Variants in POLA1 observed in about 807,000 individuals in gnomAD.
The protein encoded by POLA1 is DNA polymerase alpha catalytic subunit.
Under a neutral mutation model 124.0 loss-of-function variants are expected in POLA1, and 15 were observed. The observed-to-expected ratio is 0.12, with a 90% CI of 0.08 to 0.19. The LOEUF (loss-of-function observed/expected upper bound fraction) is 0.19, where lower values mean the gene tolerates loss of function less well. Among genes scored for constraint, POLA1 ranks in the 10% least tolerant of loss-of-function variants. The pLI is 1.00. For synonymous variants in POLA1, 408 were observed against 389.4 expected (o/e 1.05, Z -0.56); for missense variants, 886 against 1,103.4 (o/e 0.80, Z 2.79).
chrX:24,961,550 C>T (rs1195613699), intron 36 of POLA1, among the ~76,000 whole-genome samples: 2 of 110,732 alleles, frequency 1.8e-5, no homozygotes, highest in African/African-American at 6.6e-5. Flanking sequence ...TAAAAGCACA[C>T]CTGATTTATT....
chrX:24,788,603 G>T, intron 26 of POLA1: 2 of 1,192,732 alleles, frequency 1.7e-6, no homozygotes, highest in Non-Finnish European at 2.3e-6. Flanking sequence ...CTCTAATTTC[G>T]CCATATCTGT....
intron 36 of POLA1, among the ~76,000 whole-genome samples, chrX:24,954,822 G>T (rs893659222): frequency 2.7e-5 from 3 of 111,642 alleles, no homozygotes; most frequent in Non-Finnish European, 5.6e-5. Flanking sequence ...TGTAGCACAG[G>T]GGTTAAATGA....
chrX:24,947,082 C>T (rs373033050), intron 36 of POLA1, among the ~76,000 whole-genome samples: 1 of 109,603 alleles, frequency 9.1e-6, no homozygotes, highest in East Asian at 2.9e-4. Flanking sequence ...TTTGTTTAAA[C>T]CTTTAGGTTA....
chrX:24,877,472 A>G lies in POLA1; in HGVS notation c.4048-10534A>G, dbSNP rs767655743. 1.8e-3 allele frequency among the ~76,000 whole-genome samples: 203 copies of G among 111,723 alleles called. 3 individuals are homozygous for G. The highest frequency in any genetic ancestry group is 6.2e-3 in the African/African-American group (190 of 30,758). Reference sequence around the variant, plus strand: ...TCTAATAAAGTGCTCTTACTGGACAATCTCTGATCAGCTACTTAAAAAGGA... The same window carrying G: ...TCTAATAAAGTGCTCTTACTGGACAGTCTCTGATCAGCTACTTAAAAAGGA... On this transcript the variant is annotated intron_variant, in intron 34 of 36. Coordinates refer to ENST00000379068, the MANE Select transcript of POLA1 (RefSeq NM_001330360.2).
chrX:24,863,552 A>G (rs1032684048), intron 34 of POLA1, among the ~76,000 whole-genome samples: 5 of 111,846 alleles, frequency 4.5e-5, no homozygotes, highest in Non-Finnish European at 5.6e-5. Flanking sequence ...TAGCTGTGCT[A>G]TCATTAAGGG....
chrX:24,720,697 C>G (rs1331354966), intron 10 of POLA1, among the ~76,000 whole-genome samples: 1 of 112,049 alleles, frequency 8.9e-6, no homozygotes, highest in Non-Finnish European at 1.9e-5. Flanking sequence ...TTCTTTCTTT[C>G]TTATTTGAAA....
chrX:24,750,717 G>C (rs1474886794), intron 26 of POLA1, among the ~76,000 whole-genome samples: 2 of 112,273 alleles, frequency 1.8e-5, no homozygotes, highest in African/African-American at 3.2e-5. Context: ...AACTCAAGGA[G>C]ATAAAGTATA....
chrX:24,888,247 T>C, intron 35 of POLA1, 125 bp downstream of exon 35: 2 of 408,422 alleles, frequency 4.9e-6, no homozygotes, highest in South Asian at 1.1e-4. Context: ...ACTAATCTTA[T>C]TTTTAAAAAA....
At chrX:24,944,906 G>C in intron 36 of POLA1, among the ~76,000 whole-genome samples, 1 of 112,158 alleles carries the variant, frequency 8.9e-6, no homozygotes, top group East Asian at 2.8e-4. Context: ...TCTGTAAAAT[G>C]TTTGTTGTTT....
intron 32 of POLA1, among the ~76,000 whole-genome samples, chrX:24,829,357 C>T (rs2046225066): frequency 1.8e-5 from 2 of 111,571 alleles, no homozygotes; most frequent in African/African-American, 3.3e-5. Context: ...GTTTTTATAT[C>T]GCGGATGTGT....
chrX:24,767,366 C>A (rs997039195), intron 26 of POLA1, among the ~76,000 whole-genome samples: 5 of 111,708 alleles, frequency 4.5e-5, no homozygotes, highest in African/African-American at 1.3e-4. Flanking sequence ...TGCCCGCCCC[C>A]CTTAGGTTGG....
chrX:24,992,175 G>A (rs2048542110), intron 36 of POLA1, among the ~76,000 whole-genome samples: 1 of 111,606 alleles, frequency 9.0e-6, no homozygotes, highest in Admixed American at 9.5e-5. Context: ...AGAGGCTCCA[G>A]CAGCTCTCTG....
Position 24,841,838 on chromosome X carries a change from G to T in POLA1, c.3915+8G>T, listed in dbSNP as rs2046413345. The T allele has an allele frequency of 1.0e-5, 12 of 1,174,208 alleles. No homozygotes were observed. Among genetic ancestry groups the T allele is most frequent in the Non-Finnish European group, 1.4e-5 (12 of 865,861 alleles). ...AATGTCTTTGATGGTTCGGTTAGTT[G>T]TTTCTGTCTTTCATTTTGTGAGTGA... is the stretch of plus-strand genomic sequence containing the variant. On this transcript the variant is annotated splice_region_variant and intron_variant, in intron 33 of 36. Coordinates refer to ENST00000379068, the MANE Select transcript of POLA1 (RefSeq NM_001330360.2).
chrX:24,846,739 A>G (rs1054521602), intron 34 of POLA1, among the ~76,000 whole-genome samples: 2 of 112,030 alleles, frequency 1.8e-5, no homozygotes, highest in African/African-American at 3.2e-5. Context: ...AAATTTCATC[A>G]TCTTGTCAGC....
chrX:24,910,220 CCCTT>C (rs756424288), intron 35 of POLA1, among the ~76,000 whole-genome samples: 60 of 4,443 alleles, frequency 0.014, 1 homozygote, highest in Non-Finnish European at 0.017. Flanking sequence ...TAATTGAATA[CCCTT>C]TATTTATTTC....
chrX:24,806,015 T>C (rs1270784428), intron 26 of POLA1, among the ~76,000 whole-genome samples: 1 of 100,033 alleles, frequency 1.0e-5, no homozygotes, highest in Non-Finnish European at 2.0e-5. Context: ...TGTATAAGTG[T>C]TTGATTGTTG....
chrX:24,863,265 C>T (rs756652330), intron 34 of POLA1, among the ~76,000 whole-genome samples: 2 of 107,919 alleles, frequency 1.9e-5, no homozygotes, highest in African/African-American at 6.8e-5. Context: ...TATGCCCCCC[C>T]CCATCTTCCA....
At chrX:24,912,435 C>T (rs1464978899) in intron 35 of POLA1, among the ~76,000 whole-genome samples, 2 of 111,635 alleles carry the variant, frequency 1.8e-5, no homozygotes, top group Non-Finnish European at 3.8e-5. Flanking sequence ...CTGCCACAGA[C>T]TGGGAGAAAA....
intron 32 of POLA1, among the ~76,000 whole-genome samples, chrX:24,838,118 T>C (rs1010593856): frequency 2.7e-5 from 3 of 111,713 alleles, no homozygotes; most frequent in African/African-American, 9.8e-5. Flanking sequence ...GGGGTGTGTG[T>C]GATAAGGCTA....
Sources: gnomAD v4.1 joint callset for allele counts (sites outside exome capture counted in the v4.1 genomes callset) on GRCh38, gnomAD v4.1.1 for gene constraint, MANE v1.5 for transcripts, NCBI Gene and HGNC (gene_info 2026-07-23, HGNC 2026-07-21) for gene names.